Variants in NEB observed in about 807,000 individuals in gnomAD.
The protein encoded by NEB is nemaline myopathy type 2.
In NEB, 512 loss-of-function variants were observed where a neutral mutation model predicts 952.2. That is an observed-to-expected ratio of 0.54 (90% CI 0.50 to 0.58). The LOEUF (loss-of-function observed/expected upper bound fraction) is 0.58. NEB is among the 20% of genes least tolerant of loss of function. The pLI is 0.00. For synonymous variants in NEB, 2,900 were observed against 3,149.8 expected (o/e 0.92, Z 2.66); for missense variants, 8,428 against 9,231.1 (o/e 0.91, Z 3.56).
At position 151,606,465 on chromosome 2, in the gene NEB, T is replaced by A; in HGVS notation, c.12747+141A>T. ...TAATGTTTTCCATTCCATTTTAATA[T>A]TTTCAAATACAGAAAGCTTCTAGCA... is the stretch of plus-strand genomic sequence containing the variant. On this transcript the variant is annotated intron_variant, in intron 84 of 181. Transcript: ENST00000397345. 2.1e-5 allele frequency: 10 copies of A among 469,662 alleles called. 2 individuals carry two copies. The highest frequency in any genetic ancestry group is 2.0e-4 in the South Asian group (10 of 49,412). The allele number at this position is 469,662 out of a possible 1,614,324, so 29.1% of individuals were successfully genotyped here.
chr2:151,555,010 G>A lies in NEB; in HGVS notation c.19349C>T (p.Ala6450Val), dbSNP rs765023058. The change falls in exon 125 of 182, where the codon GCT becomes GTT. Residue 6450 changes from alanine (A) to valine (V), a missense_variant. This residue lies in a region of NEB where 3,374 missense variants were observed against 3,651.5 expected (regional missense o/e 0.92). Coordinates refer to ENST00000397345, the MANE Select transcript of NEB (RefSeq NM_001164508.2). ...KYREEYEKFK[A>V]LYTLPRSVDD... ...AACACTTCTTGGTAACGTATAAAGAGCTTTGAACTTTTCATATTCTTCCCG... is the reference window on the plus strand; with the variant it reads ...AACACTTCTTGGTAACGTATAAAGAACTTTGAACTTTTCATATTCTTCCCG... 4 of 1,613,522 alleles carry A rather than the reference G, an allele frequency of 2.5e-6. No homozygotes were observed. The South Asian group carries it at 3.3e-5, about 13-fold the overall frequency.
chr2:151,521,405 CAACAT>C (rs199822815), intron 153 of NEB, among the ~76,000 whole-genome samples: 2,129 of 152,282 alleles, frequency 0.014, 30 homozygotes, highest in Non-Finnish European at 0.019. Context: ...GTTTCACTCT[CAACAT>C]AAAGAAGTGG....
chr2:151,639,497 C>T (rs1250499772), intron 62 of NEB, 113 bp from the exon 63 acceptor site: 2 of 767,436 alleles, frequency 2.6e-6, no homozygotes, highest in Admixed American at 3.2e-5. Context: ...GTGTTTTATA[C>T]ACATTATGTG....
intron 161 of NEB, among the ~76,000 whole-genome samples, chr2:151,508,451 G>A (rs530910991): frequency 6.6e-6 from 1 of 152,342 alleles, no homozygotes; most frequent in South Asian, 2.1e-4. Context: ...AGTGGCAGTA[G>A]TCCTCGCTGG....
chr2:151,548,536 A>T (rs1323668637), intron 130 of NEB, 121 bp from the exon 131 acceptor site: 1 of 690,956 alleles, frequency 1.4e-6, no homozygotes, highest in Non-Finnish European at 2.5e-6. Context: ...AGGATTAAGT[A>T]TGTAGAAAAG....
rs978830132 is a variant in NEB at position 151,687,633 on chromosome 2, G to A, written c.2516C>T (p.Thr839Ile). 1 of 1,612,792 alleles carries A rather than the reference G, an allele frequency of 6.2e-7. No individual in the cohort carries two copies. ...LLAAKANTKN[T>I]SDVMYKKDYE... is the part of the protein sequence containing the mutation. ...TCCCCAGGCCACACTCACATCGCTG[G>A]TGTTCTTGGTGTTGGCTTTGGCTGC... Residue 839 changes from threonine to isoleucine, a missense_variant, in exon 26 of 182, where the codon ACC becomes ATC. Transcript: ENST00000397345.
chr2:151,550,596 G>A (rs1265059922), intron 129 of NEB, among the ~76,000 whole-genome samples: 1 of 152,114 alleles, frequency 6.6e-6, no homozygotes, highest in Non-Finnish European at 1.5e-5. Flanking sequence ...GTCTCTTGGA[G>A]TTTAGGATTA....
chr2:151,675,395 C>A lies in NEB; in HGVS notation c.3775-4G>T. 6.5e-7 allele frequency: 1 copy of A among 1,531,726 alleles called. No individual in the cohort carries two copies. The highest frequency in any genetic ancestry group is 8.9e-7 in the Non-Finnish European group (1 of 1,123,620). 94.9% of individuals were successfully genotyped at this position (1,531,726 alleles called of 1,614,324 possible). A position where few individuals can be genotyped will look rare whatever the true frequency, so the allele number is the denominator to read the frequency against. ...CTCCTTTAGCCTTGTATAAGATCTG[C>A]AATAAAATGCATTTCACATAGTGCA... On this transcript the variant is annotated splice_polypyrimidine_tract_variant and splice_region_variant and intron_variant, in intron 34 of 181. Coordinates refer to ENST00000397345, the MANE Select transcript of NEB (RefSeq NM_001164508.2).
intron 27 of NEB, among the ~76,000 whole-genome samples, chr2:151,685,189 TGGGTCACAGCAGACAGC>T (rs1391707514): frequency 2.0e-5 from 3 of 152,282 alleles, no homozygotes; most frequent in Non-Finnish European, 4.4e-5. Context: ...AGAAACTGTC[TGGGTCACAGCAGACAGC>T]GGGCCACAGC....
At position 151,526,974 on chromosome 2, in the gene NEB, CAGAA is replaced by C; in HGVS notation, c.21885_21888del (p.Val7297LeufsTer14). On this transcript the variant is annotated frameshift_variant, in exon 148 of 182. Transcript: ENST00000397345. LOFTEE classifies it high-confidence loss of function. ...AGCACCGTGTTTTTGTCATCAGTGACAGAAAGCTTGCAACCCTTGAGGAACTCCC... is the reference window on the plus strand; with the variant it reads ...AGCACCGTGTTTTTGTCATCAGTGACAGCTTGCAACCCTTGAGGAACTCCC... The C allele has an allele frequency of 6.2e-7, 1 of 1,604,610 alleles. No individual in the cohort carries two copies. Among genetic ancestry groups the C allele is most frequent in the South Asian group, 1.1e-5 (1 of 89,098 alleles).
rs1432331586 is a variant in NEB at position 151,625,613 on chromosome 2, T to G, written c.10373A>C (p.Lys3458Thr). 5 of 1,606,132 alleles carry G rather than the reference T, an allele frequency of 3.1e-6. No homozygotes were observed. Among genetic ancestry groups the G allele is most frequent in the Non-Finnish European group, 4.3e-6 (5 of 1,174,734 alleles). Residue 3458 changes from lysine (K) to threonine (T), a missense_variant, in exon 71 of 182, where the codon AAA becomes ACA. By Grantham distance (78) the Lys-to-Thr change is moderately conservative. Coordinates refer to ENST00000397345, the MANE Select transcript of NEB (RefSeq NM_001164508.2). ...CATAATATGGACTTGGGTCTTGTCT[T>G]TGTCCCAGGCTTCTGTGTATAAGCG... ...NKRLYTEAWD[K>T]DKTQVHIMPD...
chr2:151,568,529 G>C (rs1335563430), intron 111 of NEB, 89 bp downstream of exon 111: 1 of 1,429,216 alleles, frequency 7.0e-7, no homozygotes, highest in Non-Finnish European at 9.8e-7. Context: ...CTGTATTTCA[G>C]ATGATTGCAT....
rs780988604 is a variant in NEB at position 151,663,660 on chromosome 2, G to A, written c.5651C>T (p.Ser1884Phe). The change falls in exon 45 of 182, where the codon TCT becomes TTT. Residue 1884 changes from serine to phenylalanine, a missense_variant. Transcript: ENST00000397345. ...DMLSVVAAKK[S>F]QEVATNANYR... ...GTTGGCATTGGTGGCCACTTCCTGA[G>A]ACTTCTTGGCTGCCACCACACTGAG... 7.4e-6 allele frequency: 12 copies of A among 1,613,770 alleles called. No individual in the cohort carries two copies. The highest frequency in any genetic ancestry group is 1.0e-5 in the Non-Finnish European group (12 of 1,179,754).
intron 161 of NEB, among the ~76,000 whole-genome samples, chr2:151,510,807 G>T (rs534467862): frequency 1.3e-5 from 2 of 152,138 alleles, no homozygotes; most frequent in African/African-American, 4.8e-5. Context: ...TATCCCCCTC[G>T]GATAAGAGGA....
chr2:151,521,569 G>C (rs948121649), intron 153 of NEB, among the ~76,000 whole-genome samples: 1 of 152,160 alleles, frequency 6.6e-6, no homozygotes, highest in African/African-American at 2.4e-5. Flanking sequence ...AGTCAGAGTA[G>C]GGAAGAAAAG....
intron 32 of NEB, among the ~76,000 whole-genome samples, chr2:151,678,997 G>C (rs951055903): frequency 6.6e-6 from 1 of 152,126 alleles, no homozygotes; most frequent in Non-Finnish European, 1.5e-5. Context: ...AAGGGGCTGT[G>C]TTTCATTTCT....
chr2:151,711,260 T>A (rs1577313401), intron 10 of NEB, among the ~76,000 whole-genome samples: 1 of 152,150 alleles, frequency 6.6e-6, no homozygotes, highest in Non-Finnish European at 1.5e-5. Flanking sequence ...TTGGCTGAAG[T>A]GTTCTTGGAG....
rs188456299 is a variant in NEB at position 151,617,928 on chromosome 2, C to T, written c.11076+347G>A. Among the ~76,000 whole-genome samples the T allele has an allele frequency of 1.3e-3, 200 of 152,222 alleles. 1 individual carries two copies. The highest frequency in any genetic ancestry group is 4.7e-3 in the African/African-American group (194 of 41,556). On this transcript the variant is annotated intron_variant, in intron 74 of 181. Coordinates refer to ENST00000397345, the MANE Select transcript of NEB (RefSeq NM_001164508.2). ...TACAAAAATTTGCTGGGTGTGGTGG[C>T]AGGCTCCTGTAATCCCAGCTACTTG...
chr2:151,501,366 A>AGTT (rs771113735), intron 168 of NEB, 25 bp downstream of exon 168: 3 of 1,386,732 alleles, frequency 2.2e-6, no homozygotes, highest in Non-Finnish European at 3.0e-6. Context: ...TTTAATATGG[A>AGTT]GTTAAAGAGC....
Sources: gnomAD v4.1 joint callset for allele counts (sites outside exome capture counted in the v4.1 genomes callset) on GRCh38, gnomAD v4.1.1 for gene constraint, gnomAD v4.1.1 regional missense constraint, MANE v1.5 for transcripts, NCBI Gene and HGNC (gene_info 2026-07-23, HGNC 2026-07-21) for gene names.